NDUFS4: variants seen among roughly 807,000 people sequenced by gnomAD.
The protein encoded by NDUFS4 is NADH dehydrogenase [ubiquinone] iron-sulfur protein 4, mitochondrial.
A neutral mutation model predicts 24.3 loss-of-function variants in NDUFS4; 28 were observed. The ratio of observed to expected loss-of-function variants is 1.15; its 90% CI spans 0.85 to 1.58. The LOEUF (loss-of-function observed/expected upper bound fraction) is 1.58. Among genes scored for constraint, NDUFS4 ranks in the 40% most tolerant of loss-of-function variants. The pLI, the probability that NDUFS4 is intolerant of heterozygous loss-of-function variation, is 0.00. For synonymous variants in NDUFS4, 93 were observed against 69.7 expected, an observed-to-expected ratio of 1.34 and a Z score of -1.67; for missense variants, 223 against 207.9, an observed-to-expected ratio of 1.07 and a Z score of -0.45.
At chr5:53,624,900 A>G (rs1751169090) in intron 2 of NDUFS4, among the ~76,000 whole-genome samples, 2 of 151,978 alleles carry the variant, frequency 1.3e-5, no homozygotes, top group South Asian at 4.1e-4. Flanking sequence ...CTTTTTCCTC[A>G]TATTAGAGGA....
chr5:53,604,209 T>C (rs1368840119), intron 2 of NDUFS4, among the ~76,000 whole-genome samples: 5 of 152,222 alleles, frequency 3.3e-5, no homozygotes, highest in South Asian at 2.1e-4. Flanking sequence ...AAATGAGTAA[T>C]TGTATATGTG....
intron 4 of NDUFS4, among the ~76,000 whole-genome samples, chr5:53,662,445 C>G (rs1456632722): frequency 1.3e-5 from 2 of 152,112 alleles, no homozygotes; most frequent in Non-Finnish European, 2.9e-5. Flanking sequence ...GGATATTGGT[C>G]TAAAAATCTC....
intron 2 of NDUFS4, among the ~76,000 whole-genome samples, chr5:53,604,011 A>G (rs1750419119): frequency 2.0e-5 from 3 of 152,146 alleles, no homozygotes; most frequent in Admixed American, 2.0e-4. Context: ...ATAACTAGCA[A>G]GCAACTAGCA....
intron 4 of NDUFS4, among the ~76,000 whole-genome samples, chr5:53,674,245 A>G (rs1254730813): frequency 1.3e-5 from 2 of 152,208 alleles, no homozygotes; most frequent in Non-Finnish European, 2.9e-5. Flanking sequence ...TAAGCTAGAG[A>G]GAACTTAGCT....
chr5:53,620,623 T>C (rs1157725931), intron 2 of NDUFS4, among the ~76,000 whole-genome samples: 2 of 152,204 alleles, frequency 1.3e-5, no homozygotes, highest in African/African-American at 4.8e-5. Flanking sequence ...TGTGGCATAA[T>C]GTATCTGAGG....
At chr5:53,588,052 G>A (rs143681948) in intron 1 of NDUFS4, among the ~76,000 whole-genome samples, 7 of 152,230 alleles carry the variant, frequency 4.6e-5, no homozygotes, top group Non-Finnish European at 8.8e-5. Flanking sequence ...GCATGCTTTG[G>A]AGATACTGCA....
At chr5:53,566,042 G>A (rs768966461) in intron 1 of NDUFS4, among the ~76,000 whole-genome samples, 7 of 152,032 alleles carry the variant, frequency 4.6e-5, no homozygotes, top group East Asian at 3.9e-4. Flanking sequence ...GTGCGGTGGC[G>A]GGTGCCTGTA....
At chr5:53,602,588 G>T (rs1750360208) in intron 1 of NDUFS4, among the ~76,000 whole-genome samples, 1 of 151,976 alleles carries the variant, frequency 6.6e-6, no homozygotes, top group Non-Finnish European at 1.5e-5. Context: ...TGGTTATTAT[G>T]TTGCATTAAA....
intron 2 of NDUFS4, among the ~76,000 whole-genome samples, chr5:53,604,503 C>G (rs191827279): frequency 1.3e-5 from 2 of 152,306 alleles, no homozygotes; most frequent in African/African-American, 4.8e-5. Context: ...GTTACATCAT[C>G]TTTCACCTAG....
chr5:53,667,338 G>A (rs537252946), intron 4 of NDUFS4, among the ~76,000 whole-genome samples: 1 of 152,066 alleles, frequency 6.6e-6, no homozygotes, highest in Non-Finnish European at 1.5e-5. Context: ...GGTGGCACAT[G>A]CCTGTAATCC....
At chr5:53,669,294 A>G (rs956868459) in intron 4 of NDUFS4, among the ~76,000 whole-genome samples, 1 of 152,182 alleles carries the variant, frequency 6.6e-6, no homozygotes, top group African/African-American at 2.4e-5. Context: ...TTCACAATAT[A>G]GGCACAAACT....
chr5:53,582,942 C>G (rs1162048118), intron 1 of NDUFS4, among the ~76,000 whole-genome samples: 2 of 152,144 alleles, frequency 1.3e-5, no homozygotes, highest in Admixed American at 6.5e-5. Flanking sequence ...CGCTCTGTCA[C>G]CCAGGTTGAA....
intron 2 of NDUFS4, among the ~76,000 whole-genome samples, chr5:53,641,562 G>T (rs1162808654): frequency 6.6e-6 from 1 of 152,096 alleles, no homozygotes; most frequent in Non-Finnish European, 1.5e-5. Flanking sequence ...ACAAACAAAA[G>T]TTGGTTCTAA....
intron 4 of NDUFS4, among the ~76,000 whole-genome samples, chr5:53,661,303 A>G (rs1212204982): frequency 6.6e-6 from 1 of 152,172 alleles, no homozygotes; most frequent in Non-Finnish European, 1.5e-5. Flanking sequence ...CAAAGATCAG[A>G]TACTTGTAGA....
intron 4 of NDUFS4, among the ~76,000 whole-genome samples, chr5:53,681,597 T>TAAGAA (rs2111610919): frequency 6.6e-6 from 1 of 152,232 alleles, no homozygotes; most frequent in Admixed American, 6.5e-5. Context: ...CTTTAATGGA[T>TAAGAA]AAGAAAGTTC....
At chr5:53,571,841 AT>A (rs1236358595) in intron 1 of NDUFS4, among the ~76,000 whole-genome samples, 1 of 152,202 alleles carries the variant, frequency 6.6e-6, no homozygotes, top group Non-Finnish European at 1.5e-5. Flanking sequence ...TTGGTGAAGT[AT>A]CTGTTTATGT....
chr5:53,620,966 T>C (rs1751016963), intron 2 of NDUFS4, among the ~76,000 whole-genome samples: 1 of 152,216 alleles, frequency 6.6e-6, no homozygotes. Context: ...TTAAGTTGAC[T>C]AATAGTGTTA....
chr5:53,573,192 C>CAAGCAGTCCTGG (rs1402440591), intron 1 of NDUFS4, among the ~76,000 whole-genome samples: 1 of 151,886 alleles, frequency 6.6e-6, no homozygotes, highest in Non-Finnish European at 1.5e-5. Flanking sequence ...CCAGGCTGGT[C>CAAGCAGTCCTGG]TTGAACTCCT....
chr5:53,661,780 T>G (rs1752350752), intron 4 of NDUFS4, among the ~76,000 whole-genome samples: 1 of 97,370 alleles, frequency 1.0e-5, no homozygotes. Flanking sequence ...TGAATGGGAG[T>G]TCACTCATGA....
Sources: gnomAD v4.1 joint callset for allele counts (sites outside exome capture counted in the v4.1 genomes callset) on GRCh38, gnomAD v4.1.1 for gene constraint, MANE v1.5 for transcripts, NCBI Gene and HGNC (gene_info 2026-07-23, HGNC 2026-07-21) for gene names.